The following SPATA6 variants were observed in gnomAD, a reference collection of about 807,000 sequenced individuals.
The protein encoded by SPATA6 is spermatogenesis-associated protein 6.
Under a neutral mutation model 65.3 loss-of-function variants are expected in SPATA6, and 56 were observed. The observed-to-expected ratio is 0.86, with a 90% CI of 0.69 to 1.07. The LOEUF (loss-of-function observed/expected upper bound fraction) is 1.07. Ranked by LOEUF, SPATA6 falls within the 50% of genes least tolerant of loss-of-function variation. SPATA6 has a pLI of 0.00. For synonymous variants in SPATA6, 199 were observed against 213.2 expected, an observed-to-expected ratio of 0.93 and a Z score of 0.58; for missense variants, 590 against 594.8, an observed-to-expected ratio of 0.99 and a Z score of 0.08.
chr1:48,377,863 A>T (rs1648102434), intron 9 of SPATA6, among the ~76,000 whole-genome samples: 1 of 152,288 alleles, frequency 6.6e-6, no homozygotes, highest in East Asian at 1.9e-4. Flanking sequence ...CAACCTTTAC[A>T]TCTAGGTAAG....
chr1:48,324,764 C>G (rs1347347678), intron 11 of SPATA6, among the ~76,000 whole-genome samples: 3 of 151,988 alleles, frequency 2.0e-5, no homozygotes, highest in Non-Finnish European at 2.9e-5. Context: ...AAGTGAAAAC[C>G]CTTCCCCTAA....
intron 12 of SPATA6, among the ~76,000 whole-genome samples, chr1:48,303,553 A>T (rs1411117233): frequency 6.6e-6 from 1 of 152,150 alleles, no homozygotes; most frequent in Non-Finnish European, 1.5e-5. Flanking sequence ...TATTTCACTT[A>T]ACATGATGTC....
the SPATA6 span, among the ~76,000 whole-genome samples, chr1:48,263,928 G>A: frequency 6.6e-6 from 1 of 152,088 alleles, no homozygotes; most frequent in African/African-American, 2.4e-5. Flanking sequence ...CTGGGCTCAG[G>A]TGATCCCTCC....
At chr1:48,453,871 A>G (rs1353341505) in intron 1 of SPATA6, among the ~76,000 whole-genome samples, 3 of 152,084 alleles carry the variant, frequency 2.0e-5, no homozygotes, top group East Asian at 1.9e-4. Flanking sequence ...AGAAGGAAGG[A>G]AAAAAAGTGA....
chr1:48,313,607 C>A (rs149179533), intron 11 of SPATA6, among the ~76,000 whole-genome samples: 2 of 152,092 alleles, frequency 1.3e-5, no homozygotes, highest in Non-Finnish European at 2.9e-5. Flanking sequence ...ATTGTAACGA[C>A]CATCGAGGCT....
At position 48,435,159 on chromosome 1, in the gene SPATA6, T is replaced by C. The variant is rs138227814; in HGVS notation, c.238+16393A>G. On this transcript the variant is annotated intron_variant, in intron 3 of 12. Transcript: ENST00000371847. ...ACTGACACTAATAATACATCACCAA[T>C]AATAATAAACAAGGAACATTTTAAG... 4.1e-3 allele frequency among the ~76,000 whole-genome samples: 622 copies of C among 152,212 alleles called. 3 individuals are homozygous for C. The highest frequency in any genetic ancestry group is 7.1e-3 in the Non-Finnish European group (482 of 68,008).
intron 8 of SPATA6, among the ~76,000 whole-genome samples, chr1:48,393,955 G>A (rs1039899647): frequency 6.6e-6 from 1 of 151,942 alleles, no homozygotes; most frequent in African/African-American, 2.4e-5. Context: ...CCATATTAGG[G>A]GCTAGGGCTT....
At chr1:48,367,709 C>T (rs1455083815) in intron 9 of SPATA6, among the ~76,000 whole-genome samples, 28 of 151,934 alleles carry the variant, frequency 1.8e-4, no homozygotes, top group Admixed American at 1.8e-3. Flanking sequence ...TGAGATGGGT[C>T]TCCTGAGTAC....
intron 11 of SPATA6, among the ~76,000 whole-genome samples, chr1:48,339,851 G>C (rs1646160767): frequency 1.3e-5 from 2 of 151,888 alleles, no homozygotes; most frequent in South Asian, 2.1e-4. Context: ...TATTTGAAGA[G>C]ATAATGAGCT....
intron 9 of SPATA6, among the ~76,000 whole-genome samples, chr1:48,375,358 G>C (rs766787319): frequency 6.6e-6 from 1 of 152,090 alleles, no homozygotes; most frequent in Non-Finnish European, 1.5e-5. Flanking sequence ...GTCTATAAAA[G>C]AAAGTTCCTA....
the SPATA6 span, among the ~76,000 whole-genome samples, chr1:48,276,021 T>C: frequency 2.0e-5 from 3 of 152,206 alleles, no homozygotes; most frequent in East Asian, 3.8e-4. Flanking sequence ...AACTTATTAT[T>C]GGTCTATTCA....
chr1:48,349,501 C>CT (rs1238137266), intron 11 of SPATA6, among the ~76,000 whole-genome samples: 5 of 151,766 alleles, frequency 3.3e-5, no homozygotes, highest in African/African-American at 1.2e-4. Context: ...CAACATCATG[C>CT]TTTTTTCTTT....
chr1:48,462,126 T>C (rs919463877), intron 1 of SPATA6, among the ~76,000 whole-genome samples: 12 of 150,940 alleles, frequency 8.0e-5, no homozygotes, highest in Admixed American at 3.3e-4. Flanking sequence ...TTCTCACTCA[T>C]AGATGGGAAT....
chr1:48,363,574 G>T (rs547525637), intron 9 of SPATA6, among the ~76,000 whole-genome samples: 1 of 151,940 alleles, frequency 6.6e-6, no homozygotes, highest in Admixed American at 6.6e-5. Flanking sequence ...TCTGTGTATA[G>T]CATTTATACT....
At chr1:48,392,697 A>C (rs1460111401) in intron 8 of SPATA6, among the ~76,000 whole-genome samples, 1 of 152,102 alleles carries the variant, frequency 6.6e-6, no homozygotes, top group Non-Finnish European at 1.5e-5. Context: ...TAAAGCAGTA[A>C]ATGTTGGTGA....
In SPATA6 at chr1:48,452,945, C is replaced by T. The variant is rs1656704631; in HGVS notation, c.189+49G>A. ...ATAGGCTTTTATTCAAAAATTGGAA[C>T]CACTTTGATGTTTTGTTTGTTAATA... On this transcript the variant is annotated intron_variant, in intron 2 of 12. Coordinates refer to ENST00000371847, the MANE Select transcript of SPATA6 (RefSeq NM_019073.4). The T allele has an allele frequency of 5.7e-6, 9 of 1,574,400 alleles. No homozygotes were observed. In the East Asian group the frequency reaches 1.1e-4, roughly 20 times the overall value.
intron 11 of SPATA6, among the ~76,000 whole-genome samples, chr1:48,345,603 TA>T (rs1254029444): frequency 2.6e-5 from 4 of 151,800 alleles, no homozygotes; most frequent in Non-Finnish European, 5.9e-5. Context: ...CTAGCTAGAC[TA>T]ATAAAGAAGA....
intron 3 of SPATA6, among the ~76,000 whole-genome samples, chr1:48,444,008 T>C (rs1655765584): frequency 1.3e-5 from 2 of 152,128 alleles, no homozygotes. Context: ...GCAGGGTCCT[T>C]TCTTCACCCC....
intron 3 of SPATA6, among the ~76,000 whole-genome samples, chr1:48,428,809 G>GTGTGTGTGTGT (rs144421737): frequency 7.3e-6 from 1 of 137,580 alleles, no homozygotes; most frequent in Non-Finnish European, 1.5e-5. Context: ...GTGTGTGTGT[G>GTGTGTGTGTGT]TATATGTATA....
Sources: allele counts gnomAD v4.1 joint callset (sites outside exome capture counted in the v4.1 genomes callset), GRCh38; gene constraint gnomAD v4.1.1; transcripts MANE v1.5; gene names NCBI Gene and HGNC (gene_info 2026-07-23, HGNC 2026-07-21).